The following AGPAT3 variants were observed in gnomAD, a reference collection of about 807,000 sequenced individuals.
AGPAT3 encodes the protein 1-acylglycerol-3-phosphate O-acyltransferase 3, also known as 1-acyl-sn-glycerol-3-phosphate acyltransferase gamma.
In AGPAT3, 5 loss-of-function variants were observed where a neutral mutation model predicts 47.3. The observed-to-expected ratio is 0.11, with a 90% CI of 0.06 to 0.22. The LOEUF (loss-of-function observed/expected upper bound fraction) is 0.22. AGPAT3 is among the 10% of genes least tolerant of loss of function. The pLI is 1.00. For synonymous variants in AGPAT3, 212 were observed against 208.3 expected, an observed-to-expected ratio of 1.02 and a Z score of -0.15; for missense variants, 315 against 493.0, an observed-to-expected ratio of 0.64 and a Z score of 3.42.
intron 1 of AGPAT3, among the ~76,000 whole-genome samples, chr21:43,897,036 T>C (rs2086236623): frequency 6.9e-6 from 1 of 144,072 alleles, no homozygotes; most frequent in Non-Finnish European, 1.5e-5. Flanking sequence ...AGGATAATAG[T>C]GGAGGGAAGG....
intron 7 of AGPAT3, 86 bp from the exon 8 acceptor site, chr21:43,977,960 G>C (rs980795818): frequency 9.2e-7 from 1 of 1,089,684 alleles, no homozygotes; most frequent in Non-Finnish European, 1.4e-6. Context: ...AGGCCACCCT[G>C]GCACACGACA....
chr21:43,965,252 C>T (rs2089066400), intron 3 of AGPAT3: 1 of 152,158 alleles, frequency 6.6e-6, no homozygotes. Context: ...TGACCCTGAA[C>T]CACGGTTTTA....
Position 43,954,290 on chromosome 21 carries a change from T to C in AGPAT3, c.-48-5344T>C, listed in dbSNP as rs2088337071. 6.6e-6 allele frequency among the ~76,000 whole-genome samples: 1 copy of C among 152,164 alleles called. No individual in the cohort carries two copies. The highest frequency in any genetic ancestry group is 2.4e-5 in the African/African-American group (1 of 41,426). On this transcript the variant is annotated intron_variant, in intron 2 of 9. Coordinates refer to ENST00000291572, the MANE Select transcript of AGPAT3 (RefSeq NM_020132.5). This position sits in a 1 kb window ranked among gnomAD's most constrained non-coding sequence, Gnocchi z 4.0. Reference sequence around the variant, plus strand: ...TTGGAGGTTTGTGCAGTCAGGTTTATCAAGGAGGTCCAGGCGGGCTGGGTG... The same window carrying C: ...TTGGAGGTTTGTGCAGTCAGGTTTACCAAGGAGGTCCAGGCGGGCTGGGTG...
chr21:43,877,981 C>T (rs903574230), intron 1 of AGPAT3, among the ~76,000 whole-genome samples: 5 of 152,048 alleles, frequency 3.3e-5, no homozygotes, highest in African/African-American at 1.2e-4. Flanking sequence ...ACCAGCCTCG[C>T]TTTCGACTGA....
In AGPAT3 at chr21:43,939,622, G is replaced by A. The variant is rs532377034; in HGVS notation, c.-48-20012G>A. Among the ~76,000 whole-genome samples the A allele has an allele frequency of 6.6e-6, 1 of 152,298 alleles. No homozygotes were observed. The highest frequency in any genetic ancestry group is 2.1e-4 in the South Asian group (1 of 4,828). On this transcript the variant is annotated intron_variant, in intron 2 of 9. Coordinates refer to ENST00000291572, the MANE Select transcript of AGPAT3 (RefSeq NM_020132.5). This position sits in a 1 kb window ranked among gnomAD's most constrained non-coding sequence, Gnocchi z 4.4. Reference sequence around the variant, plus strand: ...GGCCTGTCCGGCAGGCTGGGTGGCTGTTCTCTGTTGAGCCCACAGCCATGC... The same window carrying A: ...GGCCTGTCCGGCAGGCTGGGTGGCTATTCTCTGTTGAGCCCACAGCCATGC...
rs748922484 is a variant in AGPAT3, at chr21:43,981,235, T to TATC, written c.1042+50_1042+52dup. 6.3e-7 allele frequency: 1 copy of TATC among 1,596,314 alleles called. No individual in the cohort carries two copies. Among genetic ancestry groups the TATC allele is most frequent in the Non-Finnish European group, 8.6e-7 (1 of 1,164,612 alleles). The stretch of plus-strand genomic sequence containing the variant: ...GCTCACACTCTGACGGGCCTCACAG[T>TATC]ATCAGCCACAGGGTCCGGGACCTGG... On this transcript the variant is annotated intron_variant, in intron 9 of 9. Coordinates refer to ENST00000291572, the MANE Select transcript of AGPAT3 (RefSeq NM_020132.5). This position sits in a 1 kb window ranked among gnomAD's most constrained non-coding sequence, Gnocchi z 5.3.
intron 2 of AGPAT3, among the ~76,000 whole-genome samples, chr21:43,938,623 A>T (rs1601360837): frequency 2.0e-5 from 3 of 152,040 alleles, no homozygotes; most frequent in Middle Eastern, 6.8e-3. Flanking sequence ...TCAGACACTA[A>T]CTCCAGCCCT....
chr21:43,974,414 A>G (rs1263405244), intron 7 of AGPAT3, among the ~76,000 whole-genome samples: 2 of 146,184 alleles, frequency 1.4e-5, no homozygotes, highest in Admixed American at 1.4e-4. Context: ...TGTAAATTAT[A>G]TTTGTGGTGT....
chr21:43,884,406 C>T (rs923568854), intron 1 of AGPAT3, among the ~76,000 whole-genome samples: 5 of 152,190 alleles, frequency 3.3e-5, no homozygotes, highest in African/African-American at 1.2e-4. Context: ...TCTTCGACCT[C>T]GTCCCTGTTT....
intron 1 of AGPAT3, among the ~76,000 whole-genome samples, chr21:43,867,943 T>C (rs2085544804): frequency 6.6e-6 from 1 of 152,262 alleles, no homozygotes; most frequent in Non-Finnish European, 1.5e-5. Context: ...ACGAGGCGTC[T>C]GTCCTTCCTA....
At chr21:43,891,300 G>A (rs1050218387) in intron 1 of AGPAT3, among the ~76,000 whole-genome samples, 1 of 152,162 alleles carries the variant, frequency 6.6e-6, no homozygotes. Flanking sequence ...ACTAGGAGTA[G>A]GTTCTACCTT....
rs1358702529 is a variant in AGPAT3, at chr21:43,939,264, T to C, written c.-48-20370T>C. On this transcript the variant is annotated intron_variant, in intron 2 of 9. Coordinates refer to ENST00000291572, the MANE Select transcript of AGPAT3 (RefSeq NM_020132.5). The surrounding 1 kb of genome is among the most constrained non-coding windows in gnomAD (Gnocchi z 4.4). ...TAGGAACACCCCATCCCCGTCCCCG[T>C]GTGCTGTCGAGGGCCTCTAGCGGGC... Among the ~76,000 whole-genome samples the C allele has an allele frequency of 9.9e-5, 15 of 152,142 alleles. No individual in the cohort carries two copies. Among genetic ancestry groups the C allele is most frequent in the Non-Finnish European group, 2.2e-4 (15 of 67,950 alleles).
intron 2 of AGPAT3, among the ~76,000 whole-genome samples, chr21:43,941,432 A>T (rs2087652524): frequency 6.6e-6 from 1 of 152,184 alleles, no homozygotes; most frequent in Non-Finnish European, 1.5e-5. Context: ...GAGCCAAAAG[A>T]CAGAATCCTA....
rs183256701 is a variant in AGPAT3 at position 43,898,151 on chromosome 21, G to A, written c.-111-5806G>A. ...AGAGGGGAGAGGGGAGAGGGAGAGC[G>A]ACAGTTGGTTTTTTAAGTCTGACAA... On this transcript the variant is annotated intron_variant, in intron 1 of 9. Transcript: ENST00000291572. Among the ~76,000 whole-genome samples, 17 of 152,272 alleles carry A rather than the reference G, an allele frequency of 1.1e-4. No individual in the cohort carries two copies. The East Asian group carries it at 2.1e-3, about 19-fold the overall frequency.
At position 43,939,540 on chromosome 21, in the gene AGPAT3, G is replaced by A. The variant is rs541834514; in HGVS notation, c.-48-20094G>A. Among the ~76,000 whole-genome samples, 4 of 152,334 alleles carry A rather than the reference G, an allele frequency of 2.6e-5. No individual in the cohort carries two copies. The highest frequency in any genetic ancestry group is 2.1e-4 in the South Asian group (1 of 4,826). On this transcript the variant is annotated intron_variant, in intron 2 of 9. Transcript: ENST00000291572. The surrounding 1 kb of genome is among the most constrained non-coding windows in gnomAD (Gnocchi z 4.4). ...CGTGGGAGCTCTGAACATGGGACCC[G>A]GAGCACCACCGTTTAGCAAACCTTG...
At chr21:43,879,393 G>T (rs2085805680) in intron 1 of AGPAT3, among the ~76,000 whole-genome samples, 1 of 147,302 alleles carries the variant, frequency 6.8e-6, no homozygotes, top group Non-Finnish European at 1.5e-5. Flanking sequence ...CTAAGACTGA[G>T]TAAAGCTTCA....
rs1391268880 is a variant in AGPAT3, at chr21:43,880,477, C to T, written c.-112+15132C>T. 6.6e-6 allele frequency among the ~76,000 whole-genome samples: 1 copy of T among 152,212 alleles called. No homozygotes were observed. The highest frequency in any genetic ancestry group is 1.5e-5 in the Non-Finnish European group (1 of 68,042). On this transcript the variant is annotated intron_variant, in intron 1 of 9. Coordinates refer to ENST00000291572, the MANE Select transcript of AGPAT3 (RefSeq NM_020132.5). The surrounding 1 kb of genome is among the most constrained non-coding windows in gnomAD (Gnocchi z 4.5). The stretch of plus-strand genomic sequence containing the variant: ...AAAGGTGCTCTGCAGGTCTCTACTG[C>T]CAGGAGCTCAGCTTTGATCTTGAGT...
At chr21:43,950,798 C>T (rs1353839464) in intron 2 of AGPAT3, 1 of 152,324 alleles carries the variant, frequency 6.6e-6, no homozygotes, top group Non-Finnish European at 1.5e-5. Flanking sequence ...GGCCAGGAAA[C>T]CAGCCCGTCA....
In AGPAT3 at chr21:43,952,514, G is replaced by A. The variant is rs1012322872; in HGVS notation, c.-48-7120G>A. Among the ~76,000 whole-genome samples the A allele has an allele frequency of 2.0e-5, 3 of 152,128 alleles. No individual in the cohort carries two copies. Among genetic ancestry groups the A allele is most frequent in the Admixed American group, 6.5e-5 (1 of 15,284 alleles). On this transcript the variant is annotated intron_variant, in intron 2 of 9. Coordinates refer to ENST00000291572, the MANE Select transcript of AGPAT3 (RefSeq NM_020132.5). This position sits in a 1 kb window ranked among gnomAD's most constrained non-coding sequence, Gnocchi z 5.6. Reference sequence around the variant, plus strand: ...GCCCTGCCCAGGCAGAGGCAGCCTCGTGCCTCACCTTTGCTCCCCTGATCT... The same window carrying A: ...GCCCTGCCCAGGCAGAGGCAGCCTCATGCCTCACCTTTGCTCCCCTGATCT...
Sources: gnomAD v4.1 joint callset for allele counts (sites outside exome capture counted in the v4.1 genomes callset) on GRCh38, gnomAD v4.1.1 for gene constraint, Gnocchi (gnomAD v3.1) non-coding constraint, MANE v1.5 for transcripts, NCBI Gene and HGNC (gene_info 2026-07-23, HGNC 2026-07-21) for gene names.